Variants in SEMA3A observed in about 807,000 individuals in gnomAD.
SEMA3A encodes the protein semaphorin-3A.
A neutral mutation model predicts 97.9 loss-of-function variants in SEMA3A; 29 were observed. The observed-to-expected ratio is 0.30, with a 90% CI of 0.22 to 0.40. SEMA3A has a LOEUF of 0.40. SEMA3A is among the 10% of genes least tolerant of loss of function. SEMA3A has a pLI of 1.00. For synonymous variants in SEMA3A, 321 were observed against 323.7 expected (o/e 0.99, Z 0.09); for missense variants, 763 against 951.3 (o/e 0.80, Z 2.60).
intron 4 of SEMA3A, among the ~76,000 whole-genome samples, chr7:84,076,813 T>G (rs1793966976): frequency 6.6e-6 from 1 of 152,110 alleles, no homozygotes; most frequent in Non-Finnish European, 1.5e-5. Flanking sequence ...CCCTTAGAGT[T>G]GGATTAAATA....
intron 2 of SEMA3A, among the ~76,000 whole-genome samples, chr7:84,361,860 G>T (rs1305226655): frequency 6.6e-6 from 1 of 152,014 alleles, no homozygotes; most frequent in Non-Finnish European, 1.5e-5. Flanking sequence ...ATTACTTCCT[G>T]TGTAAAGGAT....
chr7:84,357,877 T>C (rs1289177277), intron 2 of SEMA3A, among the ~76,000 whole-genome samples: 1 of 152,090 alleles, frequency 6.6e-6, no homozygotes. Flanking sequence ...TGCATTTCTC[T>C]GATGGCCAGG....
rs192143622 is a variant in SEMA3A at position 84,457,967 on chromosome 7, T to C, written c.-246+34493A>G. On this transcript the variant is annotated intron_variant, in intron 1 of 3. Transcript: ENST00000424555. ...GTAAATGAAATGAAGAAAGCCACCTTGGTAAGTGACCAGGGTCTAAGTATA... is the reference window on the plus strand; with the variant it reads ...GTAAATGAAATGAAGAAAGCCACCTCGGTAAGTGACCAGGGTCTAAGTATA... Among the ~76,000 whole-genome samples, 680 of 152,126 alleles carry C rather than the reference T, an allele frequency of 4.5e-3. 4 individuals carry two copies. Among genetic ancestry groups the C allele is most frequent in the South Asian group, 0.013 (63 of 4,828 alleles).
At chr7:84,475,546 G>C (rs965101204) in intron 1 of SEMA3A, among the ~76,000 whole-genome samples, 1 of 152,180 alleles carries the variant, frequency 6.6e-6, no homozygotes, top group African/African-American at 2.4e-5. Context: ...ATAAAAATAT[G>C]ATCACAAAAT....
chr7:84,425,304 T>G (rs1276123376), intron 1 of SEMA3A, among the ~76,000 whole-genome samples: 1 of 119,602 alleles, frequency 8.4e-6, no homozygotes, highest in African/African-American at 3.5e-5. Flanking sequence ...TTTATATAAA[T>G]ATATAATATA....
intron 3 of SEMA3A, among the ~76,000 whole-genome samples, chr7:84,118,524 G>T (rs1056431316): frequency 7.2e-5 from 11 of 152,128 alleles, no homozygotes; most frequent in African/African-American, 2.4e-4. Flanking sequence ...CGTTGTTAGC[G>T]TGGGGCAGTA....
At chr7:84,340,962 A>G (rs1428012672) in intron 2 of SEMA3A, among the ~76,000 whole-genome samples, 1 of 152,176 alleles carries the variant, frequency 6.6e-6, no homozygotes, top group African/African-American at 2.4e-5. Flanking sequence ...CAAAATAGTA[A>G]TTAGTAATAA....
intron 4 of SEMA3A, among the ~76,000 whole-genome samples, chr7:84,091,009 G>A (rs1387546185): frequency 1.3e-5 from 2 of 150,378 alleles, no homozygotes; most frequent in East Asian, 2.0e-4. Context: ...AGAGTTTGCA[G>A]TGAGCTGAGA....
intron 3 of SEMA3A, among the ~76,000 whole-genome samples, chr7:84,239,265 T>A (rs1182193729): frequency 6.6e-6 from 1 of 152,186 alleles, no homozygotes; most frequent in Non-Finnish European, 1.5e-5. Flanking sequence ...TTAATTCTCA[T>A]AAGGAAATTA....
intron 6 of SEMA3A, among the ~76,000 whole-genome samples, chr7:84,040,436 G>A (rs571492578): frequency 3.3e-5 from 5 of 152,118 alleles, no homozygotes; most frequent in East Asian, 1.9e-4. Flanking sequence ...CAAGCCACAC[G>A]CAAGTGCACA....
rs34652029 is a variant in SEMA3A at position 84,014,233 on chromosome 7, G to T, written c.786C>A (p.His262Gln). Residue 262 changes from histidine to glutamine, a missense_variant, in exon 7 of 17, where the codon CAC (histidine) becomes CAA (glutamine). Coordinates refer to ENST00000265362, the MANE Select transcript of SEMA3A (RefSeq NM_006080.3). ...IDGEHSGKAT[H>Q]ARIGQICKND... is the part of the protein sequence containing the mutation. ...CCTTGCATATCTGACCTATTCTAGC[G>T]TGAGTAGCTTTTCCAGAGTGTTCTC... is the stretch of plus-strand genomic sequence containing the variant. The T allele has an allele frequency of 6.2e-7, 1 of 1,612,816 alleles. No individual in the cohort carries two copies. The highest frequency in any genetic ancestry group is 1.3e-5 in the African/African-American group (1 of 74,736).
At chr7:84,219,793 G>C (rs1487639788) in intron 3 of SEMA3A, among the ~76,000 whole-genome samples, 1 of 152,124 alleles carries the variant, frequency 6.6e-6, no homozygotes, top group Non-Finnish European at 1.5e-5. Context: ...AGCACTTGCT[G>C]CTTCAACTTG....
At chr7:84,453,597 C>T (rs1443741210) in intron 1 of SEMA3A, among the ~76,000 whole-genome samples, 1 of 152,132 alleles carries the variant, frequency 6.6e-6, no homozygotes, top group Non-Finnish European at 1.5e-5. Flanking sequence ...TGAAATGCTA[C>T]TTTCTTCTGA....
At position 84,245,154 on chromosome 7, in the gene SEMA3A, G is replaced by C. The variant is rs1799450592; in HGVS notation, c.-82-50486C>G. On this transcript the variant is annotated intron_variant, in intron 3 of 3. Coordinates refer to the SEMA3A transcript ENST00000424555. Reference sequence around the variant, plus strand: ...TGGCCTGTATTGCTAGGATGGGGAAGTTCTCCTGGATAAATATCCTGAAGA... The same window carrying C: ...TGGCCTGTATTGCTAGGATGGGGAACTTCTCCTGGATAAATATCCTGAAGA... Among the ~76,000 whole-genome samples the C allele has an allele frequency of 2.6e-5, 4 of 152,248 alleles. No individual in the cohort carries two copies. The South Asian group carries it at 8.3e-4, about 32-fold the overall frequency.
Position 84,129,914 on chromosome 7 carries a change from G to T in SEMA3A, c.271-729C>A, listed in dbSNP as rs3801657. Among the ~76,000 whole-genome samples, 201 of 151,922 alleles carry T rather than the reference G, an allele frequency of 1.3e-3. 1 individual carries two copies. The East Asian group carries it at 0.017, about 13-fold the overall frequency. Reference sequence around the variant, plus strand: ...TATTTAGTCTTCATCCTTCCAAAACGTCCCATATTGTGTGAATACAGTGAC... The same window carrying T: ...TATTTAGTCTTCATCCTTCCAAAACTTCCCATATTGTGTGAATACAGTGAC... On this transcript the variant is annotated intron_variant, in intron 2 of 16. Transcript: ENST00000265362.
intron 12 of SEMA3A, among the ~76,000 whole-genome samples, chr7:83,999,061 A>C (rs1385426557): frequency 2.6e-5 from 4 of 152,204 alleles, no homozygotes; most frequent in African/African-American, 9.7e-5. Flanking sequence ...AAGTAGAAGG[A>C]GTACAATGTA....
chr7:84,324,400 G>C (rs1002330782), intron 2 of SEMA3A, among the ~76,000 whole-genome samples: 1 of 152,122 alleles, frequency 6.6e-6, no homozygotes, highest in Non-Finnish European at 1.5e-5. Context: ...ATTTGACACT[G>C]GTCATGGATA....
chr7:84,200,450 A>C (rs2116294826), intron 3 of SEMA3A, among the ~76,000 whole-genome samples: 1 of 152,192 alleles, frequency 6.6e-6, no homozygotes, highest in Admixed American at 6.5e-5. Context: ...GAATTTTATT[A>C]GGTTGGTAAG....
intron 3 of SEMA3A, among the ~76,000 whole-genome samples, chr7:84,285,970 CAAAAA>C (rs564063430): frequency 2.9e-5 from 2 of 70,152 alleles, no homozygotes; most frequent in African/African-American, 4.5e-5. Flanking sequence ...GACCCCATCT[CAAAAA>C]AAAAAAAAAA....
Sources: allele counts gnomAD v4.1 joint callset (sites outside exome capture counted in the v4.1 genomes callset), GRCh38; gene constraint gnomAD v4.1.1; transcripts MANE v1.5; gene names NCBI Gene and HGNC (gene_info 2026-07-23, HGNC 2026-07-21).